The following POLR2F variants were observed in gnomAD, a reference collection of about 807,000 sequenced individuals.
POLR2F encodes DNA-directed RNA polymerases I, II, and III subunit RPABC2.
POLR2F carries 12 observed loss-of-function variants against 22.7 expected under a neutral mutation model. That is an observed-to-expected ratio of 0.53 (90% CI 0.34 to 0.86). The LOEUF (loss-of-function observed/expected upper bound fraction) is 0.86, where lower values mean the gene tolerates loss of function less well. Ranked by LOEUF, POLR2F falls within the 40% of genes least tolerant of loss-of-function variation. POLR2F has a pLI of 0.02. For missense variants in POLR2F, 126 were observed against 171.5 expected (o/e 0.73, Z 1.48); for synonymous variants, 57 against 66.0 (o/e 0.86, Z 0.66).
chr22:38,021,392 A>G (rs867268290), intron 1 of POLR2F, among the ~76,000 whole-genome samples: 2 of 152,138 alleles, frequency 1.3e-5, no homozygotes, highest in Admixed American at 6.5e-5. Flanking sequence ...TTGGGGGTGA[A>G]GTGAGAATGA....
In POLR2F at chr22:37,968,342, C is replaced by T; in HGVS notation, c.*627C>T. The stretch of plus-strand genomic sequence containing the variant: ...CTACCCCTGCCCCCATGGCTCTGTC[C>T]CCACTCCTCCTCAGGACTCTGCCCA... On this transcript the variant is annotated 3_prime_UTR_variant, in exon 5 of 5. Coordinates refer to ENST00000442738, the MANE Select transcript of POLR2F (RefSeq NM_021974.5). The T allele has an allele frequency of 6.1e-6, 6 of 985,950 alleles. No individual in the cohort carries two copies. Among genetic ancestry groups the T allele is most frequent in the Non-Finnish European group, 4.8e-6 (4 of 830,216 alleles). 61.1% of individuals were successfully genotyped at this position (985,950 alleles called of 1,614,324 possible). A position where few individuals can be genotyped will look rare whatever the true frequency, so the allele number is the denominator to read the frequency against.
intron 1 of POLR2F, among the ~76,000 whole-genome samples, chr22:38,023,314 G>A (rs971166936): frequency 4.6e-5 from 7 of 152,180 alleles, no homozygotes; most frequent in African/African-American, 1.7e-4. Context: ...GCATCTGCTT[G>A]AAGGACGTCA....
downstream of POLR2F, chr22:37,973,792 G>A: frequency 6.3e-7 from 1 of 1,596,714 alleles, no homozygotes; most frequent in Non-Finnish European, 8.6e-7. Flanking sequence ...GGTCGGTGTA[G>A]TGTGGGGGCC....
At position 37,968,857 on chromosome 22, in the gene POLR2F, T is replaced by G; in HGVS notation, c.*1142T>G. 1.0e-6 allele frequency: 1 copy of G among 985,542 alleles called. No individual in the cohort carries two copies. The highest frequency in any genetic ancestry group is 1.2e-6 in the Non-Finnish European group (1 of 830,020). 61.0% of individuals were successfully genotyped at this position (985,542 alleles called of 1,614,324 possible). On this transcript the variant is annotated 3_prime_UTR_variant, in exon 5 of 5. Coordinates refer to ENST00000442738, the MANE Select transcript of POLR2F (RefSeq NM_021974.5). ...ATGTGGGGAGTGAATGGTGAGGATCTGCATTGGTGGGAGGGGTGTCCGCTG... is the reference window on the plus strand; with the variant it reads ...ATGTGGGGAGTGAATGGTGAGGATCGGCATTGGTGGGAGGGGTGTCCGCTG...
Position 37,967,639 on chromosome 22 carries a change from C to G in POLR2F, c.308C>G (p.Pro103Arg). The change falls in exon 5 of 5, where the codon CCC becomes CGC. Residue 103 changes from proline to arginine, a missense_variant. By Grantham distance (103) the Pro-to-Arg change is moderately radical. Transcript: ENST00000442738. ...AMKELKARKI[P>R]IIIRRYLPDG... Reference sequence around the variant, plus strand: ...CCCTGCCACAGGGCCCGAAAGATCCCCATCATCATTCGCCGTTACCTGCCA... The same window carrying G: ...CCCTGCCACAGGGCCCGAAAGATCCGCATCATCATTCGCCGTTACCTGCCA... The G allele has an allele frequency of 1.9e-6, 3 of 1,613,994 alleles. No homozygotes were observed. The highest frequency in any genetic ancestry group is 2.5e-6 in the Non-Finnish European group (3 of 1,179,962).
At chr22:37,959,575 C>T (rs1931543636) in intron 3 of POLR2F, 99 bp downstream of exon 3, 2 of 1,364,392 alleles carry the variant, frequency 1.5e-6, no homozygotes, top group East Asian at 4.7e-5. Flanking sequence ...AACAGACTCT[C>T]TGCTCTCACA....
At chr22:38,019,618 G>C (rs915035565) in intron 1 of POLR2F, among the ~76,000 whole-genome samples, 3 of 152,202 alleles carry the variant, frequency 2.0e-5, no homozygotes, top group African/African-American at 7.2e-5. Flanking sequence ...GGACATGGTG[G>C]GGGGGCACCA....
rs536137788 is a variant in POLR2F, at chr22:37,978,974, A to G, written c.293+11804A>G. On this transcript the variant is annotated intron_variant, in intron 4 of 4. Transcript: ENST00000405557. This position sits in a 1 kb window ranked among gnomAD's most constrained non-coding sequence, Gnocchi z 5.0. ...GTATTTTTAGTAGAGATGGGGTTTC[A>G]CCATGTTGACCAGGCTGGTCTCCAA... Among the ~76,000 whole-genome samples the G allele has an allele frequency of 4.0e-3, 604 of 152,176 alleles. 5 individuals are homozygous for G. The highest frequency in any genetic ancestry group is 6.0e-3 in the Non-Finnish European group (409 of 68,012).
At chr22:37,986,060 C>T (rs77891143), upstream of POLR2F, 33 of 1,319,330 alleles carry the variant, frequency 2.5e-5, no homozygotes, top group Admixed American at 1.5e-4. This position sits in a 1 kb window ranked among gnomAD's most constrained non-coding sequence, Gnocchi z 4.7. Context: ...GACTCTTGTT[C>T]GGGGCCTTGA....
chr22:38,020,711 T>A (rs1169813351), intron 1 of POLR2F, among the ~76,000 whole-genome samples: 1 of 151,736 alleles, frequency 6.6e-6, no homozygotes, highest in Non-Finnish European at 1.5e-5. Flanking sequence ...CACTGCACTC[T>A]AGCCTGGGCA....
At chr22:38,020,190 TAC>T (rs1194914434) in intron 1 of POLR2F, among the ~76,000 whole-genome samples, 2 of 136,928 alleles carry the variant, frequency 1.5e-5, no homozygotes, top group African/African-American at 2.9e-5. Context: ...CTCTGCTAAA[TAC>T]ACACACACAT....
chr22:37,984,815 G>A (rs1932523634), upstream of POLR2F, among the ~76,000 whole-genome samples: 1 of 152,126 alleles, frequency 6.6e-6, no homozygotes. The surrounding 1 kb of genome is among the most constrained non-coding windows in gnomAD (Gnocchi z 4.4). Flanking sequence ...TAGGCTGGAG[G>A]GTCAGAACCT....
intron 1 of POLR2F, chr22:38,025,617 C>T (rs2085001349): frequency 6.4e-7 from 1 of 1,558,328 alleles, no homozygotes; most frequent in Admixed American, 2.0e-5. Context: ...CTGAGACCCT[C>T]CTACGCACTG....
At chr22:38,006,335 T>C (rs1021966698) in intron 1 of POLR2F, among the ~76,000 whole-genome samples, 3 of 152,092 alleles carry the variant, frequency 2.0e-5, no homozygotes, top group African/African-American at 7.2e-5. Flanking sequence ...GGCATGTGGG[T>C]GGCTATGCAC....
intron 1 of POLR2F, chr22:38,025,578 G>T: frequency 1.3e-6 from 2 of 1,499,722 alleles, no homozygotes; most frequent in South Asian, 1.4e-5. Flanking sequence ...CTCATTTCCA[G>T]ACTTCTCTGG....
At chr22:38,003,027 C>G (rs1049094741) in intron 1 of POLR2F, among the ~76,000 whole-genome samples, 1 of 151,938 alleles carries the variant, frequency 6.6e-6, no homozygotes, top group Admixed American at 6.6e-5. Context: ...GCCCGGCCAA[C>G]TTTTGAGTCT....
intron 1 of POLR2F, chr22:37,987,790 C>G (rs1038344711): frequency 5.5e-6 from 1 of 182,808 alleles, no homozygotes. Context: ...GTCCTGGCCT[C>G]CACTCTTTAA....
At chr22:37,989,218 G>A (rs1932670496) in intron 1 of POLR2F, among the ~76,000 whole-genome samples, 1 of 152,192 alleles carries the variant, frequency 6.6e-6, no homozygotes, top group Non-Finnish European at 1.5e-5. Context: ...TATGTACGAT[G>A]TTGATAATCT....
chr22:37,991,706 C>T (rs1358939742), intron 1 of POLR2F, among the ~76,000 whole-genome samples: 2 of 152,292 alleles, frequency 1.3e-5, no homozygotes, highest in East Asian at 3.9e-4. Flanking sequence ...TGGGGTCACC[C>T]TGCCTTGGTT....
Sources: gnomAD v4.1 joint callset for allele counts (sites outside exome capture counted in the v4.1 genomes callset) on GRCh38, gnomAD v4.1.1 for gene constraint, Gnocchi (gnomAD v3.1) non-coding constraint, MANE v1.5 for transcripts, NCBI Gene and HGNC (gene_info 2026-07-23, HGNC 2026-07-21) for gene names.